PAX7: variants seen among roughly 807,000 people sequenced by gnomAD.
PAX7 encodes paired box 7, also known as paired box protein Pax-7.
A neutral mutation model predicts 50.7 loss-of-function variants in PAX7; 18 were observed. That is an observed-to-expected ratio of 0.36 (90% CI 0.25 to 0.53). PAX7 has a LOEUF of 0.53. Among genes scored for constraint, PAX7 ranks in the 20% least tolerant of loss-of-function variants. The probability of loss-of-function intolerance (pLI) is 0.93; values close to 1 mark genes in which losing one functional copy is unlikely to be tolerated. For missense variants in PAX7, 644 were observed against 702.9 expected, an observed-to-expected ratio of 0.92 and a Z score of 0.95; for synonymous variants, 310 against 290.4, an observed-to-expected ratio of 1.07 and a Z score of -0.69.
chr1:18,713,064 A>G (rs1471673248), intron 7 of PAX7, among the ~76,000 whole-genome samples: 1 of 152,128 alleles, frequency 6.6e-6, no homozygotes, highest in Non-Finnish European at 1.5e-5. Context: ...CCGGGGCAAC[A>G]GATCAAGACT....
At chr1:18,718,506 T>C (rs772491092) in intron 7 of PAX7, among the ~76,000 whole-genome samples, 2 of 152,130 alleles carry the variant, frequency 1.3e-5, no homozygotes, top group Non-Finnish European at 2.9e-5. Flanking sequence ...GCCTGGCACA[T>C]CCAAAGCATG....
chr1:18,719,659 C>T (rs1033300446), intron 7 of PAX7, among the ~76,000 whole-genome samples: 2 of 152,230 alleles, frequency 1.3e-5, no homozygotes, highest in Non-Finnish European at 2.9e-5. Flanking sequence ...GCAAGGGGCT[C>T]CCTTCCCTTC....
intron 4 of PAX7, among the ~76,000 whole-genome samples, chr1:18,668,738 A>G (rs912040374): frequency 1.1e-4 from 16 of 152,132 alleles, no homozygotes; most frequent in African/African-American, 3.9e-4. Context: ...TAATAATAAC[A>G]GCTCTCATTT....
At chr1:18,671,410 G>A (rs2088746672) in intron 4 of PAX7, among the ~76,000 whole-genome samples, 1 of 152,220 alleles carries the variant, frequency 6.6e-6, no homozygotes. Context: ...TAGCAGAACT[G>A]TACAATGCAC....
chr1:18,658,203 TCTC>T (rs1198093365), intron 4 of PAX7, among the ~76,000 whole-genome samples: 1 of 152,064 alleles, frequency 6.6e-6, no homozygotes, highest in East Asian at 1.9e-4. Context: ...AATACACCCT[TCTC>T]CTCCTCTTCC....
Position 18,735,596 on chromosome 1 carries a change from C to A in PAX7, c.1156-36C>A. ...GTGTGCTCGTGTCTCTGGGGTCTGT[C>A]CGGTGAGCCTGGCACTAATGGCCTT... On this transcript the variant is annotated intron_variant, in intron 7 of 8. Coordinates refer to ENST00000420770, the MANE Select transcript of PAX7 (RefSeq NM_001135254.2). The surrounding 1 kb of genome is among the most constrained non-coding windows in gnomAD (Gnocchi z 4.0). 1.3e-6 allele frequency: 2 copies of A among 1,584,986 alleles called. No individual in the cohort carries two copies. Among genetic ancestry groups the A allele is most frequent in the African/African-American group, 1.3e-5 (1 of 74,756 alleles).
chr1:18,692,294 C>G (rs748729959), intron 5 of PAX7, among the ~76,000 whole-genome samples: 5 of 151,222 alleles, frequency 3.3e-5, no homozygotes, highest in Non-Finnish European at 7.4e-5. Flanking sequence ...GAAATCCCAG[C>G]ACTTCGGGAG....
chr1:18,732,792 A>G (rs2089662169), intron 7 of PAX7, among the ~76,000 whole-genome samples: 1 of 152,086 alleles, frequency 6.6e-6, no homozygotes, highest in African/African-American at 2.4e-5. Context: ...GCCTGTCTCA[A>G]AACATCCTCG....
intron 7 of PAX7, among the ~76,000 whole-genome samples, chr1:18,717,400 G>A (rs1252841615): frequency 6.6e-6 from 1 of 152,160 alleles, no homozygotes. Context: ...TTCCCCACCC[G>A]TTCATTAGTT....
chr1:18,683,020 G>C (rs2088921526), intron 4 of PAX7, among the ~76,000 whole-genome samples: 1 of 152,158 alleles, frequency 6.6e-6, no homozygotes, highest in African/African-American at 2.4e-5. Flanking sequence ...CCTGTGTGGG[G>C]GAAGTGGATG....
intron 4 of PAX7, among the ~76,000 whole-genome samples, chr1:18,668,968 G>A (rs1348499977): frequency 3.3e-5 from 5 of 152,174 alleles, no homozygotes; most frequent in Non-Finnish European, 4.4e-5. Flanking sequence ...TGACTCAGCC[G>A]CCTTGGCTAT....
At chr1:18,711,105 C>G (rs1345786879) in intron 7 of PAX7, among the ~76,000 whole-genome samples, 1 of 152,202 alleles carries the variant, frequency 6.6e-6, no homozygotes, top group Non-Finnish European at 1.5e-5. Context: ...CCCTCAGGCC[C>G]CATGGGTAGA....
intron 7 of PAX7, among the ~76,000 whole-genome samples, chr1:18,718,267 G>T (rs918845458): frequency 6.6e-5 from 10 of 152,172 alleles, no homozygotes; most frequent in African/African-American, 2.4e-4. Context: ...CGCCATCTCT[G>T]CTCAGAGCGG....
chr1:18,670,870 G>A (rs1198409300), intron 4 of PAX7, among the ~76,000 whole-genome samples: 2 of 152,110 alleles, frequency 1.3e-5, no homozygotes, highest in Non-Finnish European at 2.9e-5. Context: ...ATGGAAATGG[G>A]ACCCATTTGT....
chr1:18,739,367 G>C (rs1383446528), intron 8 of PAX7, among the ~76,000 whole-genome samples: 2 of 152,352 alleles, frequency 1.3e-5, no homozygotes, highest in East Asian at 3.9e-4. Context: ...CACACACGCA[G>C]AGAGAGGGGT....
At chr1:18,684,616 T>A (rs1420980779) in intron 4 of PAX7, among the ~76,000 whole-genome samples, 1 of 152,194 alleles carries the variant, frequency 6.6e-6, no homozygotes, top group Non-Finnish European at 1.5e-5. Flanking sequence ...GTAAATGACT[T>A]TTCCATTTTC....
intron 8 of PAX7, among the ~76,000 whole-genome samples, chr1:18,742,148 C>CTTTTTT (rs61248648): frequency 2.9e-5 from 3 of 103,556 alleles, no homozygotes; most frequent in African/African-American, 4.0e-5. Context: ...AATGAGGCTT[C>CTTTTTT]TTTTTTTTTT....
chr1:18,717,231 C>T (rs971808559), intron 7 of PAX7, among the ~76,000 whole-genome samples: 1 of 152,208 alleles, frequency 6.6e-6, no homozygotes, highest in African/African-American at 2.4e-5. Context: ...AGCCGCGCGC[C>T]TGGCCGCCCC....
intron 4 of PAX7, among the ~76,000 whole-genome samples, chr1:18,681,211 C>T (rs9439720): frequency 0.063 from 9,146 of 144,080 alleles, 377 homozygotes; most frequent in African/African-American, 0.11. Context: ...CTGAGCTCCT[C>T]ATAGAGTGGG....
Sources: gnomAD v4.1 joint callset for allele counts (sites outside exome capture counted in the v4.1 genomes callset) on GRCh38, gnomAD v4.1.1 for gene constraint, Gnocchi (gnomAD v3.1) non-coding constraint, MANE v1.5 for transcripts, NCBI Gene and HGNC (gene_info 2026-07-23, HGNC 2026-07-21) for gene names.